Variants in GLIS3 observed in about 807,000 individuals in gnomAD.
GLIS3 encodes zinc finger protein GLIS3.
A neutral mutation model predicts 78.6 loss-of-function variants in GLIS3; 53 were observed. That is an observed-to-expected ratio of 0.67 (90% CI 0.54 to 0.85). The LOEUF is 0.85. Among genes scored for constraint, GLIS3 ranks in the 40% least tolerant of loss-of-function variants. The probability of loss-of-function intolerance (pLI) is 0.00; values close to 1 mark genes in which losing one functional copy is unlikely to be tolerated. For synonymous variants in GLIS3, 684 were observed against 509.9 expected (o/e 1.34, Z -4.60); for missense variants, 1,703 against 1,231.1 (o/e 1.38, Z -5.74).
At chr9:4,400,717 T>C in the GLIS3 span, among the ~76,000 whole-genome samples, 1 of 152,190 alleles carries the variant, frequency 6.6e-6, no homozygotes, top group African/African-American at 2.4e-5. Flanking sequence ...GCATCTTGGA[T>C]ACCACCTTAG....
chr9:3,972,369 C>A (rs536885061), intron 4 of GLIS3, among the ~76,000 whole-genome samples: 14 of 152,152 alleles, frequency 9.2e-5, no homozygotes, highest in Non-Finnish European at 2.1e-4. Context: ...TCTCTGGATC[C>A]TATAAATGGG....
chr9:4,241,124 G>A (rs1250039316), intron 2 of GLIS3, among the ~76,000 whole-genome samples: 1 of 152,078 alleles, frequency 6.6e-6, no homozygotes, highest in Admixed American at 6.6e-5. Flanking sequence ...GAAAAACAAG[G>A]AAACCTGCTT....
intron 2 of GLIS3, among the ~76,000 whole-genome samples, chr9:4,140,344 G>A (rs1000538939): frequency 6.6e-6 from 1 of 151,742 alleles, no homozygotes; most frequent in African/African-American, 2.4e-5. Flanking sequence ...AAACAAAACA[G>A]AACAAAAAAA....
the GLIS3 span, among the ~76,000 whole-genome samples, chr9:4,373,176 A>G: frequency 1.3e-5 from 2 of 152,188 alleles, no homozygotes; most frequent in Non-Finnish European, 2.9e-5. Context: ...CTTATATAAA[A>G]CTGAACTTTC....
At chr9:4,216,215 G>A (rs1235756835) in intron 2 of GLIS3, among the ~76,000 whole-genome samples, 1 of 152,122 alleles carries the variant, frequency 6.6e-6, no homozygotes, top group East Asian at 1.9e-4. Context: ...GCTCACACCT[G>A]TAATCCCAGC....
chr9:4,215,826 G>C (rs1419533332), intron 2 of GLIS3, among the ~76,000 whole-genome samples: 1 of 152,080 alleles, frequency 6.6e-6, no homozygotes, highest in Non-Finnish European at 1.5e-5. Flanking sequence ...ATACTTGGTT[G>C]GTGTTTGCCT....
chr9:4,474,060 A>G, the GLIS3 span, among the ~76,000 whole-genome samples: 2 of 152,168 alleles, frequency 1.3e-5, no homozygotes, highest in African/African-American at 4.8e-5. Flanking sequence ...CCCAAACAAA[A>G]TTTCAGAAAG....
chr9:3,839,080 A>C (rs1818554706), intron 9 of GLIS3, among the ~76,000 whole-genome samples: 1 of 152,214 alleles, frequency 6.6e-6, no homozygotes, highest in African/African-American at 2.4e-5. Flanking sequence ...GAATACCATA[A>C]AAATTTCTTC....
chr9:4,395,061 C>T, the GLIS3 span, among the ~76,000 whole-genome samples: 1 of 152,080 alleles, frequency 6.6e-6, no homozygotes, highest in Non-Finnish European at 1.5e-5. Flanking sequence ...ACAATGTTTT[C>T]TAGTTATTCA....
intron 2 of GLIS3, among the ~76,000 whole-genome samples, chr9:4,167,031 G>A (rs1041220063): frequency 7.9e-5 from 12 of 151,966 alleles, no homozygotes; most frequent in East Asian, 1.9e-4. Flanking sequence ...AAAGACAGAC[G>A]AACAAAACAT....
chr9:4,214,853 T>C (rs992569850), intron 2 of GLIS3, among the ~76,000 whole-genome samples: 9 of 152,180 alleles, frequency 5.9e-5, no homozygotes, highest in African/African-American at 2.2e-4. Flanking sequence ...AAATTAGCCT[T>C]GCAAGGCTGG....
intron 2 of GLIS3, among the ~76,000 whole-genome samples, chr9:4,222,599 C>G (rs972065922): frequency 6.6e-6 from 1 of 152,184 alleles, no homozygotes; most frequent in Non-Finnish European, 1.5e-5. Flanking sequence ...GTGTCATTAT[C>G]TAATGTCAAG....
At chr9:4,101,630 C>G (rs928279599) in intron 4 of GLIS3, among the ~76,000 whole-genome samples, 1 of 152,152 alleles carries the variant, frequency 6.6e-6, no homozygotes, top group African/African-American at 2.4e-5. Flanking sequence ...ATTATACCTA[C>G]TATATTCCTG....
chr9:4,033,878 A>AAG (rs1161545987), intron 4 of GLIS3, among the ~76,000 whole-genome samples: 1 of 150,538 alleles, frequency 6.6e-6, no homozygotes, highest in Non-Finnish European at 1.5e-5. Context: ...AAAAAAAAAA[A>AAG]AAAAAAAAAA....
intron 3 of GLIS3, among the ~76,000 whole-genome samples, chr9:4,310,028 G>C (rs1430872912): frequency 6.6e-6 from 1 of 152,194 alleles, no homozygotes; most frequent in Non-Finnish European, 1.5e-5. Context: ...CTGAGTTGTT[G>C]AAAACTATGA....
At chr9:3,926,789 A>AT (rs1825288598) in intron 6 of GLIS3, among the ~76,000 whole-genome samples, 4 of 151,638 alleles carry the variant, frequency 2.6e-5, no homozygotes, top group East Asian at 3.9e-4. Flanking sequence ...TGCCTGGCTA[A>AT]TTTTTTTGTA....
chr9:3,862,852 T>C (rs531903071), intron 8 of GLIS3, among the ~76,000 whole-genome samples: 9 of 152,310 alleles, frequency 5.9e-5, no homozygotes, highest in Admixed American at 5.2e-4. Flanking sequence ...AAAAATATTA[T>C]TGATTTGCTG....
chr9:3,860,940 G>T (rs908286382), intron 8 of GLIS3, among the ~76,000 whole-genome samples: 1 of 152,184 alleles, frequency 6.6e-6, no homozygotes, highest in Non-Finnish European at 1.5e-5. Flanking sequence ...AATTTAGTAA[G>T]CAATGTATCT....
At chr9:4,126,507 G>C (rs1215384391) in intron 2 of GLIS3, among the ~76,000 whole-genome samples, 1 of 152,272 alleles carries the variant, frequency 6.6e-6, no homozygotes, top group Admixed American at 6.5e-5. Context: ...GGATGAGAGA[G>C]TTGTAAACAA....
Sources: allele counts gnomAD v4.1 joint callset (sites outside exome capture counted in the v4.1 genomes callset), GRCh38; gene constraint gnomAD v4.1.1; transcripts MANE v1.5; gene names NCBI Gene and HGNC (gene_info 2026-07-23, HGNC 2026-07-21).